Variants in MAP3K12 observed in about 807,000 individuals in gnomAD.
MAP3K12 encodes mitogen-activated protein kinase kinase kinase 12.
Under a neutral mutation model 87.5 loss-of-function variants are expected in MAP3K12, and 14 were observed. The ratio of observed to expected loss-of-function variants is 0.16; its 90% CI spans 0.11 to 0.25. The LOEUF (loss-of-function observed/expected upper bound fraction) is 0.25, where lower values mean the gene tolerates loss of function less well. Ranked by LOEUF, MAP3K12 falls within the 10% of genes least tolerant of loss-of-function variation. The probability of loss-of-function intolerance (pLI) is 1.00; values close to 1 mark genes in which losing one functional copy is unlikely to be tolerated. For missense variants in MAP3K12, 802 were observed against 1,140.4 expected (o/e 0.70, Z 4.27); for synonymous variants, 469 against 452.5 (o/e 1.04, Z -0.46).
chr12:53,495,972 G>C (rs1943540240), intron 1 of MAP3K12, among the ~76,000 whole-genome samples: 1 of 152,152 alleles, frequency 6.6e-6, no homozygotes, highest in South Asian at 2.1e-4. Flanking sequence ...GATTTGGAGA[G>C]ATCAGAGCTA....
upstream of MAP3K12, chr12:53,501,457 C>T (rs1943698874): frequency 2.6e-6 from 4 of 1,567,302 alleles, no homozygotes; most frequent in Non-Finnish European, 2.6e-6. Flanking sequence ...CTGCGGGCTG[C>T]CTAGGTGAGC....
chr12:53,489,584 T>C (rs148698070), intron 1 of MAP3K12, among the ~76,000 whole-genome samples: 51 of 152,306 alleles, frequency 3.3e-4, no homozygotes, highest in African/African-American at 1.1e-3. Flanking sequence ...ATCCCTCTAA[T>C]TGTTCCTCAT....
intron 1 of MAP3K12, among the ~76,000 whole-genome samples, chr12:53,498,672 C>T (rs1943593095): frequency 6.6e-6 from 1 of 151,810 alleles, no homozygotes; most frequent in Non-Finnish European, 1.5e-5. Context: ...TTTGGAGGGC[C>T]TGACTGGGGG....
rs1372114955 is a variant in MAP3K12, at chr12:53,484,026, G to A, written c.1249-6C>T. On this transcript the variant is annotated splice_region_variant and splice_polypyrimidine_tract_variant and intron_variant, in intron 7 of 13. Transcript: ENST00000547488. ...ACTTCTTCCCGCCACTCTGCCTATG[G>A]GTTGAGAGCAGATGAAGAGTGAGAG... 1.9e-6 allele frequency: 3 copies of A among 1,613,064 alleles called. No individual in the cohort carries two copies. Among genetic ancestry groups the A allele is most frequent in the Non-Finnish European group, 2.5e-6 (3 of 1,179,226 alleles).
At chr12:53,489,971 C>G (rs1384076085) in intron 1 of MAP3K12, among the ~76,000 whole-genome samples, 1 of 152,312 alleles carries the variant, frequency 6.6e-6, no homozygotes, top group South Asian at 2.1e-4. Flanking sequence ...CTCCCTAACC[C>G]CAATTCTCCA....
intron 11 of MAP3K12, 96 bp from the exon 12 acceptor site, chr12:53,482,465 G>A (rs1244426890): frequency 4.4e-6 from 7 of 1,606,682 alleles, no homozygotes; most frequent in Middle Eastern, 1.7e-4. Flanking sequence ...GGGTGAAGTA[G>A]GGAATGGCTT....
At chr12:53,492,552 G>C (rs982277223) in intron 1 of MAP3K12, among the ~76,000 whole-genome samples, 12 of 152,122 alleles carry the variant, frequency 7.9e-5, no homozygotes, top group African/African-American at 2.7e-4. Context: ...ATTCTTGAGA[G>C]AACTGAGGCC....
In MAP3K12 at chr12:53,481,010, G is replaced by A. The variant is rs879128347; in HGVS notation, c.*172C>T. On this transcript the variant is annotated 3_prime_UTR_variant, in exon 14 of 14. Transcript: ENST00000547488. Reference sequence around the variant, plus strand: ...CTCATTCATTTCCACAGCTGCCAGTGTCCCTAGAGTTTATCAGGTGAATTG... The same window carrying A: ...CTCATTCATTTCCACAGCTGCCAGTATCCCTAGAGTTTATCAGGTGAATTG... The A allele has an allele frequency of 1.0e-4, 21 of 209,270 alleles. No homozygotes were observed. The highest frequency in any genetic ancestry group is 3.7e-4 in the South Asian group (2 of 5,378). The allele number at this position is 209,270 out of a possible 1,614,324, so 13.0% of individuals were successfully genotyped here. A position where few individuals can be genotyped will look rare whatever the true frequency, so the allele number is the denominator to read the frequency against.
chr12:53,481,409 GCA>G (rs1943038170), intron 13 of MAP3K12, 129 bp from the exon 14 acceptor site: 1 of 382,978 alleles, frequency 2.6e-6, no homozygotes, highest in Non-Finnish European at 4.6e-6. Flanking sequence ...GAGTGCAGTA[GCA>G]CAATCTCGGC....
In MAP3K12 at chr12:53,483,494, TC is replaced by T; in HGVS notation, c.1476-9del. 1.2e-6 allele frequency: 2 copies of T among 1,613,966 alleles called. No homozygotes were observed. Among genetic ancestry groups the T allele is most frequent in the Non-Finnish European group, 1.7e-6 (2 of 1,179,968 alleles). On this transcript the variant is annotated splice_polypyrimidine_tract_variant and intron_variant, in intron 9 of 13. Transcript: ENST00000547488. ...TCTAAAGCTTGCTCTCGCCTAAAGATCCAGGCACCTTCTCAGCTGGGCAAAT... is the reference window on the plus strand; with the variant it reads ...TCTAAAGCTTGCTCTCGCCTAAAGATCAGGCACCTTCTCAGCTGGGCAAAT...
intron 1 of MAP3K12, among the ~76,000 whole-genome samples, chr12:53,496,568 G>A (rs888353788): frequency 6.6e-6 from 1 of 152,172 alleles, no homozygotes; most frequent in African/African-American, 2.4e-5. Flanking sequence ...AAGTTCAGCG[G>A]ATGTTAACAA....
At chr12:53,495,367 A>AAT (rs1943523446) in intron 1 of MAP3K12, among the ~76,000 whole-genome samples, 1 of 143,742 alleles carries the variant, frequency 7.0e-6, no homozygotes, top group East Asian at 2.1e-4. Flanking sequence ...AAAAAAAAAA[A>AAT]GGCCAGGCGC....
chr12:53,485,142 A>G lies in MAP3K12; in HGVS notation c.1053T>C (p.Ile351=). The part of the protein sequence containing the change: ...IPYKDVDSSA[I]IWGVGSNSLH... ...GACTGTTGCTTCCCACACCCCAGAT[A>G]ATGGCTGAGGAATCTACGTCTTTGT... Residue 351 remains isoleucine (I), a synonymous_variant, in exon 6 of 14, where the codon ATT becomes ATC. Transcript: ENST00000547488. 1 of 1,614,098 alleles carries G rather than the reference A, an allele frequency of 6.2e-7. No individual in the cohort carries two copies. The highest frequency in any genetic ancestry group is 8.5e-7 in the Non-Finnish European group (1 of 1,180,014).
intron 1 of MAP3K12, among the ~76,000 whole-genome samples, chr12:53,491,442 T>C (rs966911671): frequency 6.6e-6 from 1 of 151,376 alleles, no homozygotes; most frequent in African/African-American, 2.4e-5. Flanking sequence ...TAGAGGTTTT[T>C]TTTTTTTTTG....
upstream of MAP3K12, among the ~76,000 whole-genome samples, chr12:53,499,827 G>T (rs991641732): frequency 3.9e-5 from 6 of 152,220 alleles, no homozygotes; most frequent in Non-Finnish European, 8.8e-5. Context: ...CCTGCTGGCG[G>T]TGTCCTATGG....
intron 1 of MAP3K12, among the ~76,000 whole-genome samples, chr12:53,492,259 A>G (rs1376549152): frequency 2.0e-5 from 3 of 152,066 alleles, no homozygotes; most frequent in African/African-American, 7.2e-5. Flanking sequence ...CATGGTTCCC[A>G]TTATACTGGA....
rs147211101 is a variant in MAP3K12, at chr12:53,483,088, C to T, written c.1715G>A (p.Arg572Gln). The change falls in exon 11 of 14, where the codon CGG becomes CAG. Residue 572 changes from arginine (R) to glutamine (Q), a missense_variant. Arg to Gln is a conservative substitution (Grantham distance 43). Coordinates refer to ENST00000547488, the MANE Select transcript of MAP3K12 (RefSeq NM_001193511.2). ...GCPKGPPSPG[R>Q]SRRGKTRHRK... ...GTGACGGGTCTTGCCACGGCGACTC[C>T]GTCCTGGTGAGGGGGGGCCCTTAGG... The T allele has an allele frequency of 3.8e-5, 58 of 1,533,470 alleles. No homozygotes were observed. Among genetic ancestry groups the T allele is most frequent in the Admixed American group, 4.3e-5 (2 of 46,324 alleles). 95.0% of individuals were successfully genotyped at this position (1,533,470 alleles called of 1,614,324 possible). A position where few individuals can be genotyped will look rare whatever the true frequency, so the allele number is the denominator to read the frequency against.
chr12:53,484,683 C>A, intron 6 of MAP3K12: 2 of 439,998 alleles, frequency 4.5e-6, no homozygotes, highest in South Asian at 5.2e-5. Flanking sequence ...GTCAAACTTC[C>A]CTGGGTCTAG....
intron 9 of MAP3K12, 28 bp downstream of exon 9, chr12:53,483,579 C>T (rs765894234): frequency 2.5e-6 from 4 of 1,613,830 alleles, no homozygotes; most frequent in Non-Finnish European, 3.4e-6. Flanking sequence ...AGCTCCAGGG[C>T]TTGGTGCATA....
Sources: gnomAD v4.1 joint callset for allele counts (sites outside exome capture counted in the v4.1 genomes callset) on GRCh38, gnomAD v4.1.1 for gene constraint, MANE v1.5 for transcripts, NCBI Gene and HGNC (gene_info 2026-07-23, HGNC 2026-07-21) for gene names.